The following HSF2BP variants were observed in gnomAD, a reference collection of about 807,000 sequenced individuals.
HSF2BP encodes the protein heat shock transcription factor 2 binding protein, also known as heat shock factor 2-binding protein.
A neutral mutation model predicts 35.0 loss-of-function variants in HSF2BP; 35 were observed. That is an observed-to-expected ratio of 1.00 (90% CI 0.76 to 1.32). The LOEUF (loss-of-function observed/expected upper bound fraction) is 1.32, where lower values mean the gene tolerates loss of function less well. HSF2BP is among the 40% of genes most tolerant of loss of function. The pLI is 0.00. For missense variants in HSF2BP, 326 were observed against 321.7 expected (o/e 1.01, Z -0.10); for synonymous variants, 114 against 117.4 (o/e 0.97, Z 0.18).
chr21:43,612,650 CAAAAAAAA>C lies in HSF2BP; in HGVS notation c.692+1172_692+1179del, dbSNP rs762585967. 9.1e-5 allele frequency among the ~76,000 whole-genome samples: 7 copies of C among 76,522 alleles called. No homozygotes were observed. The East Asian group carries it at 1.1e-3, about 12-fold the overall frequency. 50.2% of individuals were successfully genotyped at this position (76,522 alleles called of 152,430 possible). On this transcript the variant is annotated intron_variant, in intron 7 of 8. Transcript: ENST00000291560. The stretch of plus-strand genomic sequence containing the variant: ...CGGGTGACAGAGCAAGACTCCGTCT[CAAAAAAAA>C]AAAAAAAAAAAAAAGTGCTCCACAG...
At chr21:43,580,686 T>C (rs1238473171) in intron 8 of HSF2BP, among the ~76,000 whole-genome samples, 1 of 152,250 alleles carries the variant, frequency 6.6e-6, no homozygotes, top group Non-Finnish European at 1.5e-5. Flanking sequence ...AACACTGGGC[T>C]AACGCAAAAC....
chr21:43,647,695 C>G (rs1601724061), intron 3 of HSF2BP, among the ~76,000 whole-genome samples: 2 of 152,098 alleles, frequency 1.3e-5, no homozygotes, highest in Middle Eastern at 6.8e-3. Flanking sequence ...CTTACCATTT[C>G]TTTATCACCT....
chr21:43,590,283 C>T (rs140842133), intron 8 of HSF2BP, among the ~76,000 whole-genome samples: 2 of 152,254 alleles, frequency 1.3e-5, no homozygotes, highest in East Asian at 1.9e-4. Flanking sequence ...TTAGTCACAA[C>T]AAAAATACAA....
chr21:43,604,457 A>G (rs1209826460), intron 7 of HSF2BP, among the ~76,000 whole-genome samples: 1 of 135,870 alleles, frequency 7.4e-6, no homozygotes, highest in Non-Finnish European at 1.6e-5. Flanking sequence ...CACACACCAC[A>G]CACACAACAC....
chr21:43,611,199 T>G (rs2082199921), intron 7 of HSF2BP, among the ~76,000 whole-genome samples: 1 of 152,216 alleles, frequency 6.6e-6, no homozygotes, highest in Admixed American at 6.5e-5. Flanking sequence ...TGAGCCATGT[T>G]CATACCACTG....
At chr21:43,642,726 G>A (rs763144628) in intron 4 of HSF2BP, among the ~76,000 whole-genome samples, 55 of 151,786 alleles carry the variant, frequency 3.6e-4, no homozygotes, top group Non-Finnish European at 6.2e-4. Context: ...AAACCCTAGC[G>A]ATTTCAATGC....
At chr21:43,611,812 G>C (rs1043143963) in intron 7 of HSF2BP, among the ~76,000 whole-genome samples, 19 of 152,222 alleles carry the variant, frequency 1.2e-4, no homozygotes, top group African/African-American at 4.6e-4. Flanking sequence ...ACACAGCAGG[G>C]TATATGAAGC....
chr21:43,573,268 C>T (rs2081599584), intron 8 of HSF2BP, among the ~76,000 whole-genome samples: 1 of 152,176 alleles, frequency 6.6e-6, no homozygotes, highest in South Asian at 2.1e-4. Context: ...GCCCACTTCC[C>T]ATTGCAGCTG....
chr21:43,612,501 A>C (rs1485992994), intron 7 of HSF2BP, among the ~76,000 whole-genome samples: 3 of 152,080 alleles, frequency 2.0e-5, no homozygotes, highest in Admixed American at 2.0e-4. Context: ...AATACAAAAA[A>C]TTAGCTGGGC....
intron 7 of HSF2BP, among the ~76,000 whole-genome samples, chr21:43,608,079 CCGAAAAT>C (rs1356404749): frequency 2.6e-5 from 4 of 151,864 alleles, no homozygotes; most frequent in Non-Finnish European, 5.9e-5. Flanking sequence ...TGCAACAAAA[CCGAAAAT>C]TGACAATTGG....
At chr21:43,611,428 A>C (rs1187779448) in intron 7 of HSF2BP, among the ~76,000 whole-genome samples, 2 of 152,242 alleles carry the variant, frequency 1.3e-5, no homozygotes, top group Non-Finnish European at 2.9e-5. Flanking sequence ...AGAATACATG[A>C]AGCAGCTATT....
intron 6 of HSF2BP, among the ~76,000 whole-genome samples, chr21:43,620,705 ACAT>A (rs536672707): frequency 9.2e-5 from 14 of 151,672 alleles, no homozygotes; most frequent in East Asian, 3.9e-4. Flanking sequence ...TAAAAAATCA[ACAT>A]CATCATCATC....
chr21:43,574,435 G>A (rs561136286), intron 8 of HSF2BP, among the ~76,000 whole-genome samples: 6 of 151,652 alleles, frequency 4.0e-5, no homozygotes, highest in East Asian at 3.9e-4. Flanking sequence ...TCGGATCACC[G>A]CAAGCTCCAC....
intron 4 of HSF2BP, among the ~76,000 whole-genome samples, chr21:43,642,979 T>C (rs2082659761): frequency 6.6e-6 from 1 of 151,988 alleles, no homozygotes; most frequent in African/African-American, 2.4e-5. Context: ...CCCAAAGTGC[T>C]GGGATTACAG....
chr21:43,613,686 C>T (rs983749079), intron 7 of HSF2BP, 144 bp downstream of exon 7: 43 of 655,526 alleles, frequency 6.6e-5, no homozygotes, highest in Non-Finnish European at 9.9e-5. Flanking sequence ...AGACAGTGCA[C>T]GCCCTTAACT....
At chr21:43,590,134 G>A (rs1482298038) in intron 8 of HSF2BP, among the ~76,000 whole-genome samples, 1 of 152,136 alleles carries the variant, frequency 6.6e-6, no homozygotes, top group African/African-American at 2.4e-5. Flanking sequence ...ATTTGTCAAA[G>A]GACACAAACC....
Position 43,658,180 on chromosome 21 carries a change from C to T in HSF2BP, c.-84G>A, listed in dbSNP as rs1359301579. 4 of 1,404,384 alleles carry T rather than the reference C, an allele frequency of 2.8e-6. No individual in the cohort carries two copies. The highest frequency in any genetic ancestry group is 3.7e-6 in the Non-Finnish European group (4 of 1,067,878). 87.0% of individuals were successfully genotyped at this position (1,404,384 alleles called of 1,614,324 possible). A position where few individuals can be genotyped will look rare whatever the true frequency, so the allele number is the denominator to read the frequency against. On this transcript the variant is annotated 5_prime_UTR_variant, in exon 2 of 9. In the 5' UTR this introduces an upstream ATG that the reference lacks. Coordinates refer to ENST00000291560, the MANE Select transcript of HSF2BP (RefSeq NM_007031.2). Reference sequence around the variant, plus strand: ...GCCAGAAAGCGCGGGAACGAATCCACGCCGGGGGTCGGGAACGGAGAGCCG... The same window carrying T: ...GCCAGAAAGCGCGGGAACGAATCCATGCCGGGGGTCGGGAACGGAGAGCCG...
intron 8 of HSF2BP, among the ~76,000 whole-genome samples, chr21:43,573,432 T>C (rs141256052): frequency 4.6e-5 from 7 of 152,322 alleles, no homozygotes; most frequent in African/African-American, 1.4e-4. Context: ...ACTTAGAATG[T>C]ACATAATTAG....
chr21:43,576,669 C>A (rs1191089799), intron 8 of HSF2BP, among the ~76,000 whole-genome samples: 2 of 152,160 alleles, frequency 1.3e-5, no homozygotes, highest in Admixed American at 1.3e-4. Context: ...TGTATTCCTA[C>A]AAATACGCTG....
Sources: allele counts gnomAD v4.1 joint callset (sites outside exome capture counted in the v4.1 genomes callset), GRCh38; gene constraint gnomAD v4.1.1; transcripts MANE v1.5; gene names NCBI Gene and HGNC (gene_info 2026-07-23, HGNC 2026-07-21).